ERC1: variants seen among roughly 807,000 people sequenced by gnomAD.
ERC1 encodes RAB6 interacting protein 2.
Under a neutral mutation model 132.0 loss-of-function variants are expected in ERC1, and 56 were observed. The observed-to-expected ratio is 0.42, with a 90% CI of 0.34 to 0.53. The LOEUF is 0.53. ERC1 is among the 20% of genes least tolerant of loss of function. ERC1 has a pLI of 0.03. For synonymous variants in ERC1, 478 were observed against 476.1 expected, an observed-to-expected ratio of 1.00 and a Z score of -0.05; for missense variants, 1,202 against 1,349.9, an observed-to-expected ratio of 0.89 and a Z score of 1.72.
intron 8 of ERC1, among the ~76,000 whole-genome samples, chr12:1,154,474 A>C (rs774545880): frequency 1.3e-5 from 2 of 152,032 alleles, no homozygotes; most frequent in African/African-American, 4.8e-5. Flanking sequence ...AAGATAACAC[A>C]GGGAAAACTC....
chr12:1,095,178 C>T (rs184956211), intron 3 of ERC1, among the ~76,000 whole-genome samples: 2 of 152,126 alleles, frequency 1.3e-5, no homozygotes, highest in African/African-American at 4.8e-5. Context: ...ACCTGTAATC[C>T]CAGCACTTTG....
In ERC1 at chr12:1,485,077, T is replaced by TG. The variant is rs554849456; in HGVS notation, c.3214-5012dup. ...TTTTTGTTTTAGTTTTTTGTAGAGATGGGGTCTCGCTGTGTTGCGCAGGCT... is the reference window on the plus strand; with the variant it reads ...TTTTTGTTTTAGTTTTTTGTAGAGATGGGGGTCTCGCTGTGTTGCGCAGGCT... On this transcript the variant is annotated intron_variant, in intron 18 of 18. Coordinates refer to ENST00000360905, the MANE Select transcript of ERC1 (RefSeq NM_178040.4). Among the ~76,000 whole-genome samples the TG allele has an allele frequency of 1.6e-4, 24 of 148,164 alleles. No individual in the cohort carries two copies. In the East Asian group the frequency reaches 4.8e-3, roughly 30 times the overall value.
intron 18 of ERC1, among the ~76,000 whole-genome samples, chr12:1,473,219 G>A (rs1399563112): frequency 1.3e-5 from 2 of 152,054 alleles, no homozygotes; most frequent in African/African-American, 4.8e-5. Flanking sequence ...AGTAGAGACA[G>A]GGTTTCACCA....
Position 1,479,971 on chromosome 12 carries a change from A to G in ERC1, c.3214-10122A>G, listed in dbSNP as rs778751606. Among the ~76,000 whole-genome samples, 80 of 152,106 alleles carry G rather than the reference A, an allele frequency of 5.3e-4. 2 individuals carry two copies. Among genetic ancestry groups the G allele is most frequent in the Non-Finnish European group, 5.1e-4 (35 of 68,014 alleles). ...CCTCTAAGCCCCTGGAATACAGCACATGTTATTTTAACAAAGCATGTTCCA... is the reference window on the plus strand; with the variant it reads ...CCTCTAAGCCCCTGGAATACAGCACGTGTTATTTTAACAAAGCATGTTCCA... On this transcript the variant is annotated intron_variant, in intron 18 of 18. Transcript: ENST00000360905.
At chr12:1,062,204 T>G (rs892308758) in intron 2 of ERC1, among the ~76,000 whole-genome samples, 14 of 151,986 alleles carry the variant, frequency 9.2e-5, no homozygotes, top group Non-Finnish European at 2.9e-5. Context: ...AGGATGGTCT[T>G]GATCTCCAGA....
At chr12:1,382,943 A>G (rs79835786) in intron 16 of ERC1, among the ~76,000 whole-genome samples, 1,992 of 152,280 alleles carry the variant, frequency 0.013, 35 homozygotes, top group African/African-American at 0.044. Flanking sequence ...TAGAAAGTCC[A>G]GAGGCTGGGA....
intron 15 of ERC1, among the ~76,000 whole-genome samples, chr12:1,315,930 C>A (rs939715190): frequency 6.6e-6 from 1 of 151,510 alleles, no homozygotes; most frequent in Non-Finnish European, 1.5e-5. Flanking sequence ...CTCACTCTGT[C>A]GCCCAGGCTG....
chr12:1,362,697 C>T (rs2086251593), intron 15 of ERC1, among the ~76,000 whole-genome samples: 1 of 152,118 alleles, frequency 6.6e-6, no homozygotes, highest in Non-Finnish European at 1.5e-5. Context: ...TCGTGGCTGC[C>T]AAGGGCTGGA....
chr12:1,248,856 A>G (rs2076309605), intron 13 of ERC1, among the ~76,000 whole-genome samples: 2 of 152,086 alleles, frequency 1.3e-5, no homozygotes, highest in African/African-American at 4.8e-5. Flanking sequence ...GGGCTCTGTG[A>G]GAATTGAGGA....
intron 17 of ERC1, among the ~76,000 whole-genome samples, chr12:1,440,112 A>G (rs1278464518): frequency 6.6e-6 from 1 of 152,148 alleles, no homozygotes; most frequent in African/African-American, 2.4e-5. Context: ...CCATCACTTC[A>G]AACATTTATC....
intron 1 of ERC1, among the ~76,000 whole-genome samples, chr12:995,399 A>G (rs1359848517): frequency 6.6e-6 from 1 of 152,074 alleles, no homozygotes; most frequent in Non-Finnish European, 1.5e-5. Context: ...AGACCTATAG[A>G]ATTTGTTGGT....
At position 1,493,540 on chromosome 12, in the gene ERC1, A is replaced by ATATATATATATATATATATATAT. The variant is rs59708005; in HGVS notation, c.*3310_*3311insTATATATATATATATATATATAT. On this transcript the variant is annotated 3_prime_UTR_variant, in exon 19 of 19. Coordinates refer to ENST00000360905, the MANE Select transcript of ERC1 (RefSeq NM_178040.4). Reference sequence around the variant, plus strand: ...TGACAGAGACTCCATTTAAAAAAAAAAAAAAAAAATATATATATATATATA... The same window carrying ATATATATATATATATATATATAT: ...TGACAGAGACTCCATTTAAAAAAAAATATATATATATATATATATATATAAAAAAAAATATATATATATATATA... 1 of 22,392 alleles carries ATATATATATATATATATATATAT rather than the reference A, an allele frequency of 4.5e-5. No individual in the cohort carries two copies. The highest frequency in any genetic ancestry group is 1.2e-4 in the African/African-American group (1 of 8,290). 1.4% of individuals were successfully genotyped at this position (22,392 alleles called of 1,614,324 possible).
chr12:1,358,977 C>T (rs546950599), intron 15 of ERC1, among the ~76,000 whole-genome samples: 1 of 152,274 alleles, frequency 6.6e-6, no homozygotes, highest in East Asian at 1.9e-4. Context: ...TAAGAGTTTG[C>T]TTCATTTTTT....
chr12:1,346,597 G>A (rs2084475028), intron 15 of ERC1, among the ~76,000 whole-genome samples: 1 of 152,176 alleles, frequency 6.6e-6, no homozygotes, highest in African/African-American at 2.4e-5. Context: ...CTATCAGTCA[G>A]GTATTCCAGT....
intron 8 of ERC1, among the ~76,000 whole-genome samples, chr12:1,155,863 T>TAA (rs11433362): frequency 2.7e-4 from 40 of 149,072 alleles, no homozygotes; most frequent in African/African-American, 4.7e-4. Context: ...GTGTTCAAGG[T>TAA]AAAAAAAAAA....
rs201551159 is a variant in ERC1 at position 1,030,570 on chromosome 12, GA to G, written c.669+2006del. Among the ~76,000 whole-genome samples the G allele has an allele frequency of 2.0e-3, 304 of 151,890 alleles. 4 individuals are homozygous for G. The highest frequency in any genetic ancestry group is 7.0e-3 in the African/African-American group (292 of 41,444). Reference sequence around the variant, plus strand: ...GAAACCCTGTCTTTGCAAAAAAATAGAAAAAAAATTAGCAGGGTTTTGTGAT... The same window carrying G: ...GAAACCCTGTCTTTGCAAAAAAATAGAAAAAAATTAGCAGGGTTTTGTGAT... On this transcript the variant is annotated intron_variant, in intron 2 of 18. Transcript: ENST00000360905.
At chr12:1,191,147 T>C (rs1397945955) in intron 12 of ERC1, among the ~76,000 whole-genome samples, 2 of 152,168 alleles carry the variant, frequency 1.3e-5, no homozygotes, top group Admixed American at 6.5e-5. Context: ...TTTCCTCTTA[T>C]TTTGGTATTA....
chr12:1,484,154 A>T (rs1041901207), intron 18 of ERC1, among the ~76,000 whole-genome samples: 1 of 151,796 alleles, frequency 6.6e-6, no homozygotes. Context: ...AAATACAAAA[A>T]ATTAGCCGAG....
intron 7 of ERC1, among the ~76,000 whole-genome samples, chr12:1,136,895 T>C (rs1006576486): frequency 6.6e-6 from 1 of 152,124 alleles, no homozygotes; most frequent in Non-Finnish European, 1.5e-5. Context: ...ATTTATTCTT[T>C]TAGAAAACTT....
Sources: allele counts gnomAD v4.1 joint callset (sites outside exome capture counted in the v4.1 genomes callset), GRCh38; gene constraint gnomAD v4.1.1; transcripts MANE v1.5; gene names NCBI Gene and HGNC (gene_info 2026-07-23, HGNC 2026-07-21).